Variants in MTUS1 observed in about 807,000 individuals in gnomAD.
MTUS1 encodes microtubule associated scaffold protein 1.
A neutral mutation model predicts 120.8 loss-of-function variants in MTUS1; 109 were observed. The ratio of observed to expected loss-of-function variants is 0.90; its 90% CI spans 0.77 to 1.06. MTUS1 has a LOEUF of 1.06. MTUS1 is among the 50% of genes least tolerant of loss of function. The pLI, the probability that MTUS1 is intolerant of heterozygous loss-of-function variation, is 0.00. For missense variants in MTUS1, 2,210 were observed against 1,486.3 expected, an observed-to-expected ratio of 1.49 and a Z score of -8.01; for synonymous variants, 737 against 550.5, an observed-to-expected ratio of 1.34 and a Z score of -4.74.
chr8:17,715,689 T>G, intron 5 of MTUS1, 78 bp downstream of exon 5: 1 of 1,380,704 alleles, frequency 7.2e-7, no homozygotes, highest in Non-Finnish European at 9.9e-7. Context: ...TAAACCTAAT[T>G]GTCAAAATTT....
chr8:17,696,191 A>G (rs1374664619), intron 6 of MTUS1, among the ~76,000 whole-genome samples: 1 of 152,164 alleles, frequency 6.6e-6, no homozygotes, highest in African/African-American at 2.4e-5. Context: ...CCGTCAGCTC[A>G]GACTGAAAGG....
intron 6 of MTUS1, among the ~76,000 whole-genome samples, chr8:17,700,993 T>TCTAGCC (rs1380613825): frequency 5.3e-5 from 8 of 152,288 alleles, no homozygotes; most frequent in Middle Eastern, 3.4e-3. Context: ...TAGACAAGAA[T>TCTAGCC]CTAGCATAAT....
upstream of MTUS1, chr8:17,801,302 T>G (rs1021424642): frequency 6.7e-6 from 1 of 149,970 alleles, no homozygotes; most frequent in East Asian, 2.0e-4. Context: ...GGGCGGGGAG[T>G]TCGGGAAACT....
intron 13 of MTUS1, 180 bp from the exon 14 acceptor site, chr8:17,647,259 G>A: frequency 1.8e-6 from 1 of 541,054 alleles, no homozygotes; most frequent in Non-Finnish European, 3.2e-6. Context: ...GCAAAACAGA[G>A]CGGCTGGGTA....
chr8:17,721,985 C>G, intron 4 of MTUS1: 1 of 1,375,440 alleles, frequency 7.3e-7, no homozygotes. Context: ...TTAGTGAATT[C>G]GAATGGAGGG....
At chr8:17,684,303 C>G (rs768605322) in intron 7 of MTUS1, 25 bp downstream of exon 7, 2 of 1,578,390 alleles carry the variant, frequency 1.3e-6, no homozygotes, top group Non-Finnish European at 1.7e-6. Context: ...AGTAGAAAGG[C>G]TCTTTCTAGG....
At chr8:17,705,872 G>A (rs1563236912) in intron 6 of MTUS1, 1 of 152,202 alleles carries the variant, frequency 6.6e-6, no homozygotes, top group African/African-American at 2.4e-5. Context: ...GATAAATACA[G>A]CTCTGATGCC....
In MTUS1 at chr8:17,785,456, C is replaced by T. The variant is rs572320479; in HGVS notation, c.-155+15605G>A. Among the ~76,000 whole-genome samples, 219 of 152,272 alleles carry T rather than the reference C, an allele frequency of 1.4e-3. 1 individual carries two copies. Among genetic ancestry groups the T allele is most frequent in the South Asian group, 0.013 (61 of 4,828 alleles). On this transcript the variant is annotated intron_variant, in intron 1 of 14. Coordinates refer to ENST00000693296, the MANE Select transcript of MTUS1 (RefSeq NM_001363059.2). ...GTGACATCCACACTCCAAAACTCTG[C>T]AGAGACAGCATGGGGATGTCAGCTT...
intron 8 of MTUS1, 128 bp from the exon 9 acceptor site, chr8:17,656,193 A>G (rs1050055450): frequency 3.8e-6 from 3 of 795,330 alleles, no homozygotes; most frequent in East Asian, 5.3e-5. Context: ...GTCTCTAGTG[A>G]CCATGTCTTC....
intron 1 of MTUS1, among the ~76,000 whole-genome samples, chr8:17,794,808 A>AG (rs1194943958): frequency 2.6e-5 from 4 of 152,208 alleles, no homozygotes; most frequent in African/African-American, 9.6e-5. Flanking sequence ...CACAGAGGTC[A>AG]GGGGAAGGGG....
chr8:17,731,822 T>C (rs2046605236), intron 3 of MTUS1, among the ~76,000 whole-genome samples: 1 of 152,240 alleles, frequency 6.6e-6, no homozygotes, highest in Non-Finnish European at 1.5e-5. Context: ...TTCTTTTATT[T>C]AACCTCACTG....
Position 17,697,301 on chromosome 8 carries a change from C to G in MTUS1, c.2624-12759G>C, listed in dbSNP as rs369097965. ...GCTTCTCCTAAACCCTGAAGGAAGT[C>G]GAAGGTTTCGAAGCAATCCTTTGGC... On this transcript the variant is annotated intron_variant, in intron 6 of 14. Coordinates refer to ENST00000693296, the MANE Select transcript of MTUS1 (RefSeq NM_001363059.2). The G allele has an allele frequency of 9.9e-6, 16 of 1,613,926 alleles. No individual in the cohort carries two copies. The African/African-American group carries it at 2.0e-4, about 20-fold the overall frequency.
At position 17,753,835 on chromosome 8, in the gene MTUS1, T is replaced by C. The variant is rs906935434; in HGVS notation, c.1973A>G (p.Asn658Ser). ...AECLEMTYVP[N>S]IDRISPEKKG... is the part of the protein sequence containing the mutation. ...CTTTTCAGGGCTAATCCTATCAATG[T>C]TGGGAACATAGGTCATTTCCAAACA... Residue 658 changes from asparagine to serine, a missense_variant, in exon 2 of 15, where the codon AAC becomes AGC. By Grantham distance (46) the Asn-to-Ser change is conservative (BLOSUM62 1). Transcript: ENST00000693296. 5.6e-6 allele frequency: 9 copies of C among 1,614,068 alleles called. No homozygotes were observed. Among genetic ancestry groups the C allele is most frequent in the Admixed American group, 5.0e-5 (3 of 60,006 alleles).
chr8:17,742,272 TTTTTTTTTTGTTGTTGTTG>T lies in MTUS1; in HGVS notation c.2287+1313_2287+1331del, dbSNP rs1462963202. On this transcript the variant is annotated intron_variant, in intron 3 of 14. Transcript: ENST00000693296. ...CATCATGCTCTCATGCCCAGCTGTT[TTTTTTTTTTGTTGTTGTTG>T]TTTTTTTTTTTTTTTTTTTTAGAGA... Among the ~76,000 whole-genome samples, 131 of 124,710 alleles carry T rather than the reference TTTTTTTTTTGTTGTTGTTG, an allele frequency of 1.1e-3. 3 individuals carry two copies. Among genetic ancestry groups the T allele is most frequent in the African/African-American group, 2.6e-3 (77 of 29,618 alleles). 81.8% of individuals were successfully genotyped at this position (124,710 alleles called of 152,430 possible). A position where few individuals can be genotyped will look rare whatever the true frequency, so the allele number is the denominator to read the frequency against.
intron 1 of MTUS1, among the ~76,000 whole-genome samples, chr8:17,761,385 C>T (rs543423176): frequency 2.2e-3 from 342 of 152,146 alleles, no homozygotes; most frequent in African/African-American, 8.0e-3. Context: ...ATCATCATTA[C>T]CATATTAATG....
intron 1 of MTUS1, among the ~76,000 whole-genome samples, chr8:17,784,841 G>C (rs1463081478): frequency 1.3e-5 from 2 of 150,694 alleles, no homozygotes; most frequent in African/African-American, 4.9e-5. Flanking sequence ...CTGGAGTACA[G>C]TGGTGCAATC....
chr8:17,688,054 C>A (rs780168284), intron 6 of MTUS1, among the ~76,000 whole-genome samples: 93 of 152,204 alleles, frequency 6.1e-4, no homozygotes, highest in Non-Finnish European at 1.1e-3. Flanking sequence ...AGAAGCCACA[C>A]ATTTCCTCAA....
At chr8:17,660,310 T>C (rs1051063944) in intron 8 of MTUS1, among the ~76,000 whole-genome samples, 3 of 152,212 alleles carry the variant, frequency 2.0e-5, no homozygotes, top group Admixed American at 1.3e-4. Context: ...GCAGTGCAGG[T>C]TGCAGTGAGC....
chr8:17,776,621 G>C (rs2050453254), intron 1 of MTUS1, among the ~76,000 whole-genome samples: 1 of 131,804 alleles, frequency 7.6e-6, no homozygotes, highest in African/African-American at 2.8e-5. Flanking sequence ...GGAGGTTGTA[G>C]TGAGGTGAGA....
Sources: allele counts gnomAD v4.1 joint callset (sites outside exome capture counted in the v4.1 genomes callset), GRCh38; gene constraint gnomAD v4.1.1; transcripts MANE v1.5; gene names NCBI Gene and HGNC (gene_info 2026-07-23, HGNC 2026-07-21).